The following CRIM1 variants were observed in gnomAD, a reference collection of about 807,000 sequenced individuals.
CRIM1 encodes the protein cysteine rich transmembrane BMP regulator 1.
In CRIM1, 32 loss-of-function variants were observed where a neutral mutation model predicts 116.4. The observed-to-expected ratio is 0.27, with a 90% CI of 0.21 to 0.37. The LOEUF (loss-of-function observed/expected upper bound fraction) is 0.37, where lower values mean the gene tolerates loss of function less well. Among genes scored for constraint, CRIM1 ranks in the 10% least tolerant of loss-of-function variants. The pLI is 1.00. For synonymous variants in CRIM1, 590 were observed against 509.2 expected, an observed-to-expected ratio of 1.16 and a Z score of -2.13; for missense variants, 1,331 against 1,354.8, an observed-to-expected ratio of 0.98 and a Z score of 0.28.
intron 2 of CRIM1, among the ~76,000 whole-genome samples, chr2:36,432,258 C>T (rs1485079063): frequency 6.6e-6 from 1 of 152,082 alleles, no homozygotes; most frequent in Admixed American, 6.5e-5. Flanking sequence ...GTTTTGAAAC[C>T]AGTCTTTAGT....
chr2:36,466,117 C>A (rs1233806374), intron 5 of CRIM1, among the ~76,000 whole-genome samples: 2 of 151,950 alleles, frequency 1.3e-5, no homozygotes, highest in Non-Finnish European at 2.9e-5. Flanking sequence ...TGATCTCCTG[C>A]CCTCGTGATC....
chr2:36,372,266 A>G (rs1375418715), intron 1 of CRIM1, among the ~76,000 whole-genome samples: 1 of 152,164 alleles, frequency 6.6e-6, no homozygotes, highest in Non-Finnish European at 1.5e-5. Context: ...GGAAAGCAAA[A>G]TTCCGTTTGG....
At chr2:36,412,680 T>C (rs1673305603) in intron 2 of CRIM1, among the ~76,000 whole-genome samples, 1 of 152,228 alleles carries the variant, frequency 6.6e-6, no homozygotes, top group African/African-American at 2.4e-5. Context: ...AGTGGCCCAT[T>C]TGCTATATGT....
chr2:36,403,145 A>G (rs969545938), intron 2 of CRIM1, among the ~76,000 whole-genome samples: 2 of 152,162 alleles, frequency 1.3e-5, no homozygotes. Flanking sequence ...TATCCATAAA[A>G]TGTGTTTTCA....
At chr2:36,456,954 A>G (rs1355877341) in intron 4 of CRIM1, among the ~76,000 whole-genome samples, 3 of 151,998 alleles carry the variant, frequency 2.0e-5, no homozygotes, top group Non-Finnish European at 4.4e-5. Context: ...TTCTTATAGG[A>G]ACCACGTAGA....
intron 4 of CRIM1, among the ~76,000 whole-genome samples, chr2:36,458,460 G>T (rs148600743): frequency 1.3e-5 from 2 of 152,118 alleles, no homozygotes; most frequent in East Asian, 1.9e-4. Context: ...TGACCCTTGC[G>T]CTTAGTTATG....
intron 1 of CRIM1, among the ~76,000 whole-genome samples, chr2:36,387,037 T>G (rs4670550): frequency 6.6e-6 from 1 of 151,910 alleles, no homozygotes; most frequent in African/African-American, 2.4e-5. Context: ...ACTGGCTTTG[T>G]GTTATTCCAT....
chr2:36,544,283 T>C lies in CRIM1; in HGVS notation c.2624-93T>C, dbSNP rs1667157516. ...ATCTTTCATGTCCCAGGAAATGTGG[T>C]CTTGAATTGAGTGCACCATTTGGAT... is the stretch of plus-strand genomic sequence containing the variant. On this transcript the variant is annotated intron_variant, in intron 14 of 16. Transcript: ENST00000280527. 6 of 1,110,696 alleles carry C rather than the reference T, an allele frequency of 5.4e-6. No homozygotes were observed. The Admixed American group carries it at 1.2e-4, about 23-fold the overall frequency. 68.8% of individuals were successfully genotyped at this position (1,110,696 alleles called of 1,614,324 possible). A position where few individuals can be genotyped will look rare whatever the true frequency, so the allele number is the denominator to read the frequency against.
At position 36,518,965 on chromosome 2, in the gene CRIM1, C is replaced by T. The variant is rs190659527; in HGVS notation, c.2206+1423C>T. On this transcript the variant is annotated intron_variant, in intron 12 of 16. Coordinates refer to ENST00000280527, the MANE Select transcript of CRIM1 (RefSeq NM_016441.3). ...ATGATTCCTGTCCTGGAGCAATAGC[C>T]GAAAAGCCAAACAATCCAATATTCC... Among the ~76,000 whole-genome samples, 579 of 152,094 alleles carry T rather than the reference C, an allele frequency of 3.8e-3. 13 individuals are homozygous for T. Among genetic ancestry groups the T allele is most frequent in the Non-Finnish European group, 4.7e-3 (319 of 67,994 alleles).
chr2:36,451,305 A>C (rs1256657353), intron 4 of CRIM1, among the ~76,000 whole-genome samples: 1 of 152,198 alleles, frequency 6.6e-6, no homozygotes, highest in Non-Finnish European at 1.5e-5. Context: ...ACATGCACAC[A>C]CACACACAGT....
At position 36,548,812 on chromosome 2, in the gene CRIM1, G is replaced by T; in HGVS notation, c.*111G>T. The T allele has an allele frequency of 1.1e-6, 1 of 874,346 alleles. No homozygotes were observed. Among genetic ancestry groups the T allele is most frequent in the Admixed American group, 2.7e-5 (1 of 36,672 alleles). The allele number at this position is 874,346 out of a possible 1,614,324, so 54.2% of individuals were successfully genotyped here. ...AGTGGATTGTATTGGATTGTGACTT[G>T]ATGTACAGCGCTAAGACCTTACTGG... On this transcript the variant is annotated 3_prime_UTR_variant, in exon 17 of 17. Transcript: ENST00000280527.
intron 1 of CRIM1, among the ~76,000 whole-genome samples, chr2:36,374,172 T>C (rs965134153): frequency 2.6e-5 from 4 of 152,230 alleles, no homozygotes; most frequent in Non-Finnish European, 5.9e-5. Flanking sequence ...TCTTGGACCT[T>C]AGTTGCATGA....
At chr2:36,516,953 G>T (rs1022913980) in intron 11 of CRIM1, among the ~76,000 whole-genome samples, 1 of 152,162 alleles carries the variant, frequency 6.6e-6, no homozygotes, top group African/African-American at 2.4e-5. Flanking sequence ...TAACTGAACC[G>T]TACCAAGTAT....
At position 36,438,627 on chromosome 2, in the gene CRIM1, G is replaced by C. The variant is rs375591230; in HGVS notation, c.506-2631G>C. Among the ~76,000 whole-genome samples the C allele has an allele frequency of 1.8e-4, 28 of 152,282 alleles. No individual in the cohort carries two copies. In the East Asian group the frequency reaches 5.0e-3, roughly 27 times the overall value. ...TGACCCAAGCACATGTGGCGTATAG[G>C]CTGTAGCTCCCATGAGACATGCAGT... On this transcript the variant is annotated intron_variant, in intron 2 of 16. Transcript: ENST00000280527.
At chr2:36,397,940 G>C (rs1672143917) in intron 2 of CRIM1, among the ~76,000 whole-genome samples, 1 of 152,114 alleles carries the variant, frequency 6.6e-6, no homozygotes, top group Admixed American at 6.6e-5. Flanking sequence ...ATCAGTGCTA[G>C]TACTAATCAC....
intron 1 of CRIM1, among the ~76,000 whole-genome samples, chr2:36,368,299 T>C (rs1669728194): frequency 6.6e-6 from 1 of 152,204 alleles, no homozygotes; most frequent in South Asian, 2.1e-4. Context: ...CTCACCTCTG[T>C]GTACAGCTGA....
chr2:36,530,133 C>A (rs1483851858), intron 13 of CRIM1, among the ~76,000 whole-genome samples: 1 of 152,166 alleles, frequency 6.6e-6, no homozygotes, highest in Non-Finnish European at 1.5e-5. Flanking sequence ...ATTCTTTAAT[C>A]ATTTCCTGAC....
chr2:36,499,679 A>G (rs1474724708), intron 8 of CRIM1, among the ~76,000 whole-genome samples: 5 of 152,116 alleles, frequency 3.3e-5, no homozygotes, highest in Admixed American at 3.3e-4. Context: ...GAGGTCACCC[A>G]CGCATACAGT....
chr2:36,546,595 T>G (rs991554911), intron 15 of CRIM1, among the ~76,000 whole-genome samples: 2 of 152,078 alleles, frequency 1.3e-5, no homozygotes, highest in African/African-American at 4.8e-5. Flanking sequence ...TGCCAATAAA[T>G]CAGCTAATGT....
Sources: allele counts gnomAD v4.1 joint callset (sites outside exome capture counted in the v4.1 genomes callset), GRCh38; gene constraint gnomAD v4.1.1; transcripts MANE v1.5; gene names NCBI Gene and HGNC (gene_info 2026-07-23, HGNC 2026-07-21).